Variants in AOPEP observed in about 807,000 individuals in gnomAD.
The protein encoded by AOPEP is aminopeptidase O.
Under a neutral mutation model 98.1 loss-of-function variants are expected in AOPEP, and 77 were observed. The ratio of observed to expected loss-of-function variants is 0.78; its 90% confidence interval spans 0.65 to 0.95. The LOEUF (loss-of-function observed/expected upper bound fraction) is 0.95. Among genes scored for constraint, AOPEP ranks in the 40% least tolerant of loss-of-function variants. AOPEP has a pLI of 0.00. For missense variants in AOPEP, 1,024 were observed against 1,024.7 expected, an observed-to-expected ratio of 1.00 and a Z score of 0.01; for synonymous variants, 346 against 365.3, an observed-to-expected ratio of 0.95 and a Z score of 0.60.
intron 14 of AOPEP, among the ~76,000 whole-genome samples, chr9:95,061,967 CTG>C (rs2067354494): frequency 6.6e-6 from 1 of 152,146 alleles, no homozygotes; most frequent in African/African-American, 2.4e-5. Context: ...AGTCATTAGG[CTG>C]TGTTTTAATC....
At chr9:95,033,421 A>G (rs1265621721) in intron 13 of AOPEP, among the ~76,000 whole-genome samples, 1 of 151,824 alleles carries the variant, frequency 6.6e-6, no homozygotes, top group Non-Finnish European at 1.5e-5. Context: ...GTGTTTCTCT[A>G]CCATTCTTTG....
At chr9:94,937,181 T>A (rs985023159) in intron 7 of AOPEP, among the ~76,000 whole-genome samples, 8 of 152,226 alleles carry the variant, frequency 5.3e-5, no homozygotes, top group Non-Finnish European at 1.0e-4. Flanking sequence ...CAGCTCCTCC[T>A]GAAGCTACCT....
At chr9:95,134,073 G>A in the AOPEP span, among the ~76,000 whole-genome samples, 11 of 152,150 alleles carry the variant, frequency 7.2e-5, no homozygotes, top group Non-Finnish European at 1.6e-4. Context: ...CAAGTCAGGT[G>A]GGATCCGTGT....
the AOPEP span, chr9:95,111,327 T>G: frequency 3.8e-6 from 6 of 1,597,080 alleles, no homozygotes; most frequent in East Asian, 1.3e-4. Context: ...TGCCTGCAGG[T>G]TGCCATGACA....
intron 1 of AOPEP, among the ~76,000 whole-genome samples, chr9:94,758,015 C>G (rs1325073878): frequency 1.3e-5 from 2 of 152,236 alleles, no homozygotes; most frequent in African/African-American, 4.8e-5. Flanking sequence ...AAAGTAAATT[C>G]AAACTGTTCT....
intron 7 of AOPEP, among the ~76,000 whole-genome samples, chr9:94,941,635 C>T (rs1255360385): frequency 6.6e-6 from 1 of 152,232 alleles, no homozygotes; most frequent in African/African-American, 2.4e-5. Flanking sequence ...CTCTTTTAAA[C>T]AGCAAAGATG....
At chr9:94,906,309 T>A (rs1472009856) in intron 5 of AOPEP, among the ~76,000 whole-genome samples, 4 of 147,092 alleles carry the variant, frequency 2.7e-5, no homozygotes, top group South Asian at 2.2e-4. Context: ...AAAAAAAAAA[T>A]GTAAAAATTA....
chr9:94,888,285 G>T (rs1351392136), intron 5 of AOPEP, among the ~76,000 whole-genome samples: 1 of 135,670 alleles, frequency 7.4e-6, no homozygotes, highest in African/African-American at 2.7e-5. Flanking sequence ...GAATCATGAA[G>T]AACCTTACCG....
chr9:94,966,093 G>A (rs1280522818), intron 9 of AOPEP, among the ~76,000 whole-genome samples: 1 of 146,596 alleles, frequency 6.8e-6, no homozygotes, highest in African/African-American at 2.6e-5. Context: ...TGTCATCAGA[G>A]TCCTGTGTAG....
At chr9:95,102,956 T>A in the AOPEP span, among the ~76,000 whole-genome samples, 12 of 152,310 alleles carry the variant, frequency 7.9e-5, no homozygotes, top group Admixed American at 7.8e-4. Flanking sequence ...GCTCCGGCTG[T>A]AGCCCAGGCA....
At chr9:95,083,388 A>G (rs568816893) in intron 16 of AOPEP, among the ~76,000 whole-genome samples, 2 of 150,274 alleles carry the variant, frequency 1.3e-5, no homozygotes, top group Admixed American at 1.3e-4. Flanking sequence ...CGGCACACAC[A>G]GCACACACAG....
chr9:94,978,563 T>A lies in AOPEP; in HGVS notation c.1917-804T>A, dbSNP rs75786701. ...AGATGTTATGGCACTGGGGAGGCCT[T>A]GCTTCAGTCTGGGAGGAGGTCAAGA... On this transcript the variant is annotated intron_variant, in intron 10 of 16. Coordinates refer to ENST00000375315, the MANE Select transcript of AOPEP (RefSeq NM_001193329.3). Among the ~76,000 whole-genome samples, 1,121 of 152,254 alleles carry A rather than the reference T, an allele frequency of 7.4e-3. 14 individuals are homozygous for A. The highest frequency in any genetic ancestry group is 0.026 in the African/African-American group (1,082 of 41,542).
intron 5 of AOPEP, among the ~76,000 whole-genome samples, chr9:94,822,743 G>A (rs532488793): frequency 4.4e-4 from 67 of 152,222 alleles, no homozygotes; most frequent in African/African-American, 1.5e-3. Context: ...ACTGTTTATC[G>A]AGCTCTGAAC....
intron 3 of AOPEP, among the ~76,000 whole-genome samples, chr9:94,774,057 A>AT (rs1841502674): frequency 1.3e-5 from 2 of 152,182 alleles, no homozygotes; most frequent in African/African-American, 4.8e-5. Context: ...CCTGGCCAGG[A>AT]AACATTTTTA....
Position 94,854,006 on chromosome 9 carries a change from G to A in AOPEP, c.1364+53004G>A, listed in dbSNP as rs184474554. ...AAAGGGAATTGCCTGATGAGTTTTT[G>A]TTCAATGAAAACCCACATCGTAAGA... is the stretch of plus-strand genomic sequence containing the variant. On this transcript the variant is annotated intron_variant, in intron 5 of 16. Transcript: ENST00000375315. Among the ~76,000 whole-genome samples, 283 of 152,250 alleles carry A rather than the reference G, an allele frequency of 1.9e-3. 2 individuals are homozygous for A. The highest frequency in any genetic ancestry group is 6.3e-3 in the African/African-American group (263 of 41,550).
intron 5 of AOPEP, among the ~76,000 whole-genome samples, chr9:94,907,844 T>C (rs1050019685): frequency 6.6e-5 from 10 of 152,290 alleles, no homozygotes; most frequent in Admixed American, 5.2e-4. Context: ...AAGGGCAAGA[T>C]TAGTCCCCAG....
At chr9:94,792,070 G>A (rs1282243438) in intron 3 of AOPEP, among the ~76,000 whole-genome samples, 5 of 152,158 alleles carry the variant, frequency 3.3e-5, no homozygotes. Context: ...AACTGGAATG[G>A]GGAGCCCCAG....
chr9:94,942,276 C>A (rs772270622), intron 7 of AOPEP, among the ~76,000 whole-genome samples: 14 of 152,188 alleles, frequency 9.2e-5, no homozygotes, highest in Non-Finnish European at 1.8e-4. Flanking sequence ...CCAGTGAGTG[C>A]TTTCTCATGT....
the AOPEP span, among the ~76,000 whole-genome samples, chr9:95,128,909 C>CTT: frequency 1.0e-4 from 15 of 144,778 alleles, no homozygotes; most frequent in African/African-American, 2.3e-4. Context: ...AACCAGTCTC[C>CTT]TTTTTTTTTT....
Sources: gnomAD v4.1 joint callset for allele counts (sites outside exome capture counted in the v4.1 genomes callset) on GRCh38, gnomAD v4.1.1 for gene constraint, MANE v1.5 for transcripts, NCBI Gene and HGNC (gene_info 2026-07-23, HGNC 2026-07-21) for gene names.